IP6K1: variants seen among roughly 807,000 people sequenced by gnomAD.
IP6K1 encodes ATP:1D-myo-inositol-hexakisphosphate phosphotransferase.
A neutral mutation model predicts 38.3 loss-of-function variants in IP6K1; 13 were observed. That is an observed-to-expected ratio of 0.34 (90% CI 0.22 to 0.54). The LOEUF (loss-of-function observed/expected upper bound fraction) is 0.54. IP6K1 is among the 20% of genes least tolerant of loss of function. The pLI, the probability that IP6K1 is intolerant of heterozygous loss-of-function variation, is 0.92. For missense variants in IP6K1, 397 were observed against 599.8 expected, an observed-to-expected ratio of 0.66 and a Z score of 3.53; for synonymous variants, 212 against 229.9, an observed-to-expected ratio of 0.92 and a Z score of 0.70.
chr3:49,765,106 A>T (rs543235765), intron 1 of IP6K1, among the ~76,000 whole-genome samples: 2 of 152,186 alleles, frequency 1.3e-5, no homozygotes, highest in Non-Finnish European at 2.9e-5. Context: ...GATAACATAT[A>T]TAAGTCCTAA....
At chr3:49,776,459 G>A (rs915673251) in intron 1 of IP6K1, among the ~76,000 whole-genome samples, 17 of 152,002 alleles carry the variant, frequency 1.1e-4, no homozygotes, top group Non-Finnish European at 5.9e-5. Flanking sequence ...GGAGGTTGCA[G>A]TGAGCCGAGA....
intron 1 of IP6K1, among the ~76,000 whole-genome samples, chr3:49,764,891 A>G (rs79488408): frequency 6.6e-6 from 1 of 151,878 alleles, no homozygotes; most frequent in Non-Finnish European, 1.5e-5. Flanking sequence ...AAAAAAAAAA[A>G]GAATCCCAAT....
intron 1 of IP6K1, among the ~76,000 whole-genome samples, chr3:49,764,727 A>C (rs1274789093): frequency 6.6e-6 from 1 of 152,058 alleles, no homozygotes; most frequent in Non-Finnish European, 1.5e-5. Context: ...ACAAATACAA[A>C]AATTAGCCTG....
chr3:49,747,846 T>C lies in IP6K1; in HGVS notation c.195A>G (p.Glu65=). 6.2e-7 allele frequency: 1 copy of C among 1,614,106 alleles called. No individual in the cohort carries two copies. ...TGTATTCAGGGGTGAACTCCTTCATTTCGGGAGGGAGGGACTCGTAAAAGC... is the reference window on the plus strand; with the variant it reads ...TGTATTCAGGGGTGAACTCCTTCATCTCGGGAGGGAGGGACTCGTAAAAGC... The part of the protein sequence containing the change: ...EQRFYESLPP[E]MKEFTPEYKG... Residue 65 remains glutamate (E), a synonymous_variant, in exon 2 of 6, where the codon GAA becomes GAG. Coordinates refer to ENST00000321599, the MANE Select transcript of IP6K1 (RefSeq NM_153273.4).
Position 49,775,617 on chromosome 3 carries a change from G to C in IP6K1, c.-129+10737C>G. 6.5e-6 allele frequency: 6 copies of C among 919,126 alleles called. No homozygotes were observed. The South Asian group carries it at 1.3e-4, about 20-fold the overall frequency. The allele number at this position is 919,126 out of a possible 1,614,324, so 56.9% of individuals were successfully genotyped here. A position where few individuals can be genotyped will look rare whatever the true frequency, so the allele number is the denominator to read the frequency against. On this transcript the variant is annotated intron_variant, in intron 1 of 5. Coordinates refer to ENST00000321599, the MANE Select transcript of IP6K1 (RefSeq NM_153273.4). ...AATGCAGCTTCAAGAAGAGGTGATTGGTGGGTGGCCCCTTCCTCCCCACAA... is the reference window on the plus strand; with the variant it reads ...AATGCAGCTTCAAGAAGAGGTGATTCGTGGGTGGCCCCTTCCTCCCCACAA...
chr3:49,772,916 T>C (rs979684056), intron 1 of IP6K1, among the ~76,000 whole-genome samples: 1 of 151,868 alleles, frequency 6.6e-6, no homozygotes, highest in Non-Finnish European at 1.5e-5. Context: ...CTCCAACTCC[T>C]ATGCTCAAGT....
At chr3:49,781,616 T>C (rs1239012634) in intron 1 of IP6K1, among the ~76,000 whole-genome samples, 3 of 152,170 alleles carry the variant, frequency 2.0e-5, no homozygotes, top group Non-Finnish European at 2.9e-5. Context: ...ATGTATGGAA[T>C]GTTTAGCAAA....
chr3:49,727,682 G>A lies in IP6K1; in HGVS notation c.793-27C>T. ...TGAAACCCCAGGAGGCAGACAGGGTGAGTGCCAGGGAAGTCTGAAGAGCTC... is the reference window on the plus strand; with the variant it reads ...TGAAACCCCAGGAGGCAGACAGGGTAAGTGCCAGGGAAGTCTGAAGAGCTC... On this transcript the variant is annotated intron_variant, in intron 5 of 5. Coordinates refer to ENST00000321599, the MANE Select transcript of IP6K1 (RefSeq NM_153273.4). The surrounding 1 kb of genome is among the most constrained non-coding windows in gnomAD (Gnocchi z 5.9). 1 of 1,601,816 alleles carries A rather than the reference G, an allele frequency of 6.2e-7. No individual in the cohort carries two copies. Among genetic ancestry groups the A allele is most frequent in the Non-Finnish European group, 8.5e-7 (1 of 1,172,422 alleles).
chr3:49,767,949 A>G (rs1490332540), intron 1 of IP6K1, among the ~76,000 whole-genome samples: 1 of 152,248 alleles, frequency 6.6e-6, no homozygotes, highest in African/African-American at 2.4e-5. Context: ...TGGCCAAAAA[A>G]TATGCAAAAA....
intron 3 of IP6K1, among the ~76,000 whole-genome samples, chr3:49,733,873 T>C (rs2080583716): frequency 6.6e-6 from 1 of 152,220 alleles, no homozygotes; most frequent in African/African-American, 2.4e-5. Context: ...GTCACAACTA[T>C]AATCCCAACA....
chr3:49,730,928 C>CA (rs1381199596), intron 4 of IP6K1, among the ~76,000 whole-genome samples: 7 of 151,990 alleles, frequency 4.6e-5, no homozygotes, highest in Non-Finnish European at 1.0e-4. Context: ...AGGCTGGTCT[C>CA]AAACTCCCAA....
intron 1 of IP6K1, among the ~76,000 whole-genome samples, chr3:49,768,473 C>T (rs915160954): frequency 6.6e-6 from 1 of 152,084 alleles, no homozygotes; most frequent in Admixed American, 6.6e-5. Flanking sequence ...ATTCCACTTA[C>T]ATAAAATAAA....
intron 1 of IP6K1, among the ~76,000 whole-genome samples, chr3:49,761,260 A>G (rs1178648631): frequency 6.6e-6 from 1 of 151,766 alleles, no homozygotes; most frequent in African/African-American, 2.4e-5. Context: ...GGGTGCAGTG[A>G]GCGGAGATCG....
chr3:49,744,177 T>C (rs1575311213), intron 2 of IP6K1, among the ~76,000 whole-genome samples: 1 of 151,202 alleles, frequency 6.6e-6, no homozygotes, highest in South Asian at 2.1e-4. Flanking sequence ...CCGAGGCAGG[T>C]GGATCACAAG....
intron 1 of IP6K1, among the ~76,000 whole-genome samples, chr3:49,772,393 TC>T (rs2080968634): frequency 6.7e-6 from 1 of 150,300 alleles, no homozygotes; most frequent in Admixed American, 6.7e-5. Context: ...TATATTGTCT[TC>T]TTATATTCTA....
chr3:49,729,428 A>G (rs2080544682), intron 4 of IP6K1, among the ~76,000 whole-genome samples: 1 of 140,998 alleles, frequency 7.1e-6, no homozygotes, highest in African/African-American at 2.6e-5. Context: ...TTTTTTTTTG[A>G]GACGGAGTTT....
Position 49,743,572 on chromosome 3 carries a change from G to A in IP6K1, c.223+4246C>T, listed in dbSNP as rs1003662412. 4.0e-5 allele frequency among the ~76,000 whole-genome samples: 6 copies of A among 150,912 alleles called. 1 individual carries two copies. In the South Asian group the frequency reaches 8.4e-4, roughly 21 times the overall value. On this transcript the variant is annotated intron_variant, in intron 2 of 5. Transcript: ENST00000321599. ...GGCGTGCCTATAGTCCCAGCTACTCGGGGGGCTGAGGTGGGAGGATCACTT... is the reference window on the plus strand; with the variant it reads ...GGCGTGCCTATAGTCCCAGCTACTCAGGGGGCTGAGGTGGGAGGATCACTT...
chr3:49,746,605 T>C (rs1183163231), intron 2 of IP6K1, among the ~76,000 whole-genome samples: 1 of 144,470 alleles, frequency 6.9e-6, no homozygotes, highest in Non-Finnish European at 1.5e-5. Context: ...AACCCGGGAG[T>C]TGGAGGTTGC....
At chr3:49,732,350 C>T (rs1462151923) in intron 4 of IP6K1, among the ~76,000 whole-genome samples, 1 of 152,200 alleles carries the variant, frequency 6.6e-6, no homozygotes, top group African/African-American at 2.4e-5. Flanking sequence ...CACATGCACA[C>T]AAGCGCATAT....
Sources: gnomAD v4.1 joint callset for allele counts (sites outside exome capture counted in the v4.1 genomes callset) on GRCh38, gnomAD v4.1.1 for gene constraint, Gnocchi (gnomAD v3.1) non-coding constraint, MANE v1.5 for transcripts, NCBI Gene and HGNC (gene_info 2026-07-23, HGNC 2026-07-21) for gene names.